The following FANK1 variants were observed in gnomAD, a reference collection of about 807,000 sequenced individuals.
FANK1 encodes the protein fibronectin type III and ankyrin repeat domains 1, also known as fibronectin type 3 and ankyrin repeat domains protein 1.
A neutral mutation model predicts 45.3 loss-of-function variants in FANK1; 44 were observed. The observed-to-expected ratio is 0.97, with a 90% CI of 0.76 to 1.25. The LOEUF is 1.25. FANK1 is among the 50% of genes most tolerant of loss of function. The pLI, the probability that FANK1 is intolerant of heterozygous loss-of-function variation, is 0.00. For missense variants in FANK1, 391 were observed against 424.4 expected (o/e 0.92, Z 0.69); for synonymous variants, 149 against 152.5 (o/e 0.98, Z 0.17).
intron 6 of FANK1, among the ~76,000 whole-genome samples, chr10:125,999,328 T>A (rs1295102272): frequency 3.3e-5 from 5 of 151,874 alleles, no homozygotes; most frequent in African/African-American, 1.2e-4. Flanking sequence ...GCCTCCCAAG[T>A]AGCTGGAACT....
chr10:125,995,537 C>G, intron 4 of FANK1, 39 bp downstream of exon 4: 1 of 1,571,396 alleles, frequency 6.4e-7, no homozygotes, highest in South Asian at 1.1e-5. Flanking sequence ...TCCCCCATGC[C>G]TATAAAGTGC....
chr10:125,980,257 G>A lies in FANK1; in HGVS notation c.110G>A (p.Arg37His), dbSNP rs771570967. The A allele has an allele frequency of 8.7e-6, 14 of 1,614,008 alleles. No individual in the cohort carries two copies. The East Asian group carries it at 1.3e-4, about 15-fold the overall frequency. The change falls in exon 2 of 11, where the codon CGC (arginine) becomes CAC (histidine). Residue 37 changes from arginine to histidine, a missense_variant. By Grantham distance (29) the Arg-to-His change is conservative. Coordinates refer to ENST00000368693, the MANE Select transcript of FANK1 (RefSeq NM_145235.5). ...TGGGATCTGGAAAAGAAAGCCAAAC[G>A]CCAAGGACCTCAAGAGCAGTGGTTC... ...LYWDLEKKAK[R>H]QGPQEQWFRF...
At chr10:125,927,358 C>G (rs74162889) in intron 1 of FANK1, among the ~76,000 whole-genome samples, 1 of 151,848 alleles carries the variant, frequency 6.6e-6, no homozygotes, top group Admixed American at 6.6e-5. Context: ...TTTATAAATG[C>G]GATCTTTTCT....
intron 1 of FANK1, among the ~76,000 whole-genome samples, chr10:125,970,442 G>A (rs530586022): frequency 1.3e-5 from 2 of 152,360 alleles, no homozygotes; most frequent in East Asian, 1.9e-4. Flanking sequence ...GCCGGGCAGA[G>A]GCTGCAATCT....
intron 3 of FANK1, among the ~76,000 whole-genome samples, chr10:125,993,024 T>G (rs560482950): frequency 2.0e-5 from 3 of 152,290 alleles, no homozygotes; most frequent in Admixed American, 1.3e-4. Flanking sequence ...GCCTTGGCTC[T>G]GATGCTGCCC....
intron 1 of FANK1, among the ~76,000 whole-genome samples, chr10:125,919,637 C>T (rs1267629263): frequency 5.3e-5 from 8 of 152,144 alleles, no homozygotes; most frequent in Non-Finnish European, 8.8e-5. Flanking sequence ...TTCTGTTGAA[C>T]GTGAACCCTA....
intron 6 of FANK1, among the ~76,000 whole-genome samples, chr10:126,002,301 GACTCTGTCTCA>G (rs1952824973): frequency 7.0e-6 from 1 of 142,802 alleles, no homozygotes; most frequent in Non-Finnish European, 1.6e-5. Flanking sequence ...GATAGAGTGA[GACTCTGTCTCA>G]AAAAAAACAA....
intron 1 of FANK1, among the ~76,000 whole-genome samples, chr10:125,950,054 G>C (rs1285320054): frequency 7.4e-6 from 1 of 135,984 alleles, no homozygotes; most frequent in Non-Finnish European, 1.6e-5. Flanking sequence ...GGGAAAACTG[G>C]CTAGCCATAT....
Position 125,921,683 on chromosome 10 carries a change from T to C in FANK1, c.13+25028T>C, listed in dbSNP as rs533121966. Among the ~76,000 whole-genome samples the C allele has an allele frequency of 9.7e-4, 148 of 152,276 alleles. 1 individual carries two copies. The highest frequency in any genetic ancestry group is 3.5e-3 in the African/African-American group (144 of 41,578). The stretch of plus-strand genomic sequence containing the variant: ...TCTGTTTCTTCTTGAGTTTTGGTAG[T>C]CTGTCTTTCAAGGAATTGATCTATT... On this transcript the variant is annotated intron_variant, in intron 1 of 10. Coordinates refer to ENST00000368693, the MANE Select transcript of FANK1 (RefSeq NM_145235.5).
chr10:125,929,852 C>T (rs1947632362), intron 1 of FANK1, among the ~76,000 whole-genome samples: 2 of 152,204 alleles, frequency 1.3e-5, no homozygotes, highest in Admixed American at 6.5e-5. Flanking sequence ...TTGAGGTACA[C>T]CCTATGTAAA....
intron 1 of FANK1, among the ~76,000 whole-genome samples, chr10:125,935,592 A>G (rs1298957478): frequency 1.3e-5 from 2 of 152,210 alleles, no homozygotes; most frequent in African/African-American, 4.8e-5. Context: ...CTGATTATAA[A>G]CACAAAAAAG....
intron 1 of FANK1, among the ~76,000 whole-genome samples, chr10:125,950,487 A>G (rs1464686583): frequency 6.6e-6 from 1 of 152,052 alleles, no homozygotes; most frequent in South Asian, 2.1e-4. Flanking sequence ...AGAAGAAGAC[A>G]TTTATGCAGC....
chr10:125,975,853 G>T (rs1950820960), intron 1 of FANK1, among the ~76,000 whole-genome samples: 1 of 152,138 alleles, frequency 6.6e-6, no homozygotes, highest in African/African-American at 2.4e-5. Context: ...CTGTCAGCTG[G>T]TGCTGTCACT....
chr10:125,951,105 A>T (rs28651924), intron 1 of FANK1, among the ~76,000 whole-genome samples: 6 of 68,004 alleles, frequency 8.8e-5, no homozygotes, highest in African/African-American at 2.3e-4. Context: ...GGGTGGGGGG[A>T]GGGGGGAGGG....
chr10:125,994,699 G>T, intron 3 of FANK1: 3 of 985,398 alleles, frequency 3.0e-6, no homozygotes, highest in Non-Finnish European at 3.6e-6. Flanking sequence ...AAGATGGGTG[G>T]CTTCTACATA....
chr10:125,946,155 G>GA (rs1307930188), intron 1 of FANK1, among the ~76,000 whole-genome samples: 2 of 152,076 alleles, frequency 1.3e-5, no homozygotes, highest in Non-Finnish European at 2.9e-5. Context: ...ACAAAGATGG[G>GA]AAAAAAACAG....
At chr10:125,918,996 GTC>G (rs1426700787) in intron 1 of FANK1, among the ~76,000 whole-genome samples, 2 of 151,844 alleles carry the variant, frequency 1.3e-5, no homozygotes, top group African/African-American at 2.4e-5. Context: ...AAGGGAAGGA[GTC>G]TCTGGGTTTC....
intron 1 of FANK1, among the ~76,000 whole-genome samples, chr10:125,970,222 C>A (rs1293602485): frequency 5.9e-5 from 9 of 151,862 alleles, no homozygotes; most frequent in Non-Finnish European, 1.3e-4. Flanking sequence ...GGCCCCCCAC[C>A]CCCCAGAGGG....
chr10:125,996,698 T>A (rs1952358524), intron 5 of FANK1, 74 bp downstream of exon 5: 24 of 1,473,682 alleles, frequency 1.6e-5, no homozygotes, highest in Non-Finnish European at 2.2e-5. Context: ...CTGGTCAGGA[T>A]AAGGATGGGA....
Sources: gnomAD v4.1 joint callset for allele counts (sites outside exome capture counted in the v4.1 genomes callset) on GRCh38, gnomAD v4.1.1 for gene constraint, MANE v1.5 for transcripts, NCBI Gene and HGNC (gene_info 2026-07-23, HGNC 2026-07-21) for gene names.